LRMDA: variants seen among roughly 807,000 people sequenced by gnomAD.
The protein encoded by LRMDA is leucine rich melanocyte differentiation associated.
Under a neutral mutation model 29.8 loss-of-function variants are expected in LRMDA, and 18 were observed. The ratio of observed to expected loss-of-function variants is 0.60; its 90% CI spans 0.42 to 0.90. LRMDA has a LOEUF of 0.90. LRMDA is among the 40% of genes least tolerant of loss of function. The probability of loss-of-function intolerance (pLI) is 0.00; values close to 1 mark genes in which losing one functional copy is unlikely to be tolerated. For missense variants in LRMDA, 273 were observed against 273.9 expected (o/e 1.00, Z 0.02); for synonymous variants, 125 against 109.4 (o/e 1.14, Z -0.89).
At chr10:76,392,628 C>A (rs1472980985) in intron 6 of LRMDA, among the ~76,000 whole-genome samples, 1 of 151,928 alleles carries the variant, frequency 6.6e-6, no homozygotes, top group Non-Finnish European at 1.5e-5. Flanking sequence ...ATATCAGATT[C>A]TCAGATTGGG....
chr10:75,712,816 A>G (rs955620436), intron 2 of LRMDA, among the ~76,000 whole-genome samples: 9 of 76,538 alleles, frequency 1.2e-4, no homozygotes, highest in African/African-American at 4.1e-4. Context: ...CCAGCCCCCC[A>G]ACTACATTCA....
chr10:76,283,799 C>T lies in LRMDA; in HGVS notation c.517-40602C>T, dbSNP rs1210484610. On this transcript the variant is annotated intron_variant, in intron 5 of 6. Coordinates refer to ENST00000611255, the MANE Select transcript of LRMDA (RefSeq NM_001305581.2). ...TACCCTGGTGTATTTCACCCCACAG[C>T]CTGTGTTCTTTGCCACTGTGTTTCA... Among the ~76,000 whole-genome samples, 3 of 152,102 alleles carry T rather than the reference C, an allele frequency of 2.0e-5. No individual in the cohort carries two copies. The East Asian group carries it at 5.8e-4, about 29-fold the overall frequency.
chr10:76,001,197 G>A (rs915660629), intron 2 of LRMDA, among the ~76,000 whole-genome samples: 1 of 152,140 alleles, frequency 6.6e-6, no homozygotes, highest in Non-Finnish European at 1.5e-5. Context: ...CCCTGTCTGA[G>A]AACGCAGGTC....
intron 6 of LRMDA, among the ~76,000 whole-genome samples, chr10:76,377,593 A>C (rs376676883): frequency 6.6e-6 from 1 of 152,264 alleles, no homozygotes; most frequent in East Asian, 1.9e-4. Context: ...ATTCTTTCGC[A>C]TATGGCTACC....
At chr10:75,946,205 G>A (rs1846473247) in intron 2 of LRMDA, among the ~76,000 whole-genome samples, 1 of 152,234 alleles carries the variant, frequency 6.6e-6, no homozygotes, top group Non-Finnish European at 1.5e-5. Flanking sequence ...CAGGCAGACA[G>A]CTGCCTGGTG....
At chr10:76,509,718 C>A (rs1047675869) in intron 6 of LRMDA, among the ~76,000 whole-genome samples, 3 of 152,192 alleles carry the variant, frequency 2.0e-5, no homozygotes, top group African/African-American at 7.2e-5. Context: ...TGTGTGAAGG[C>A]TGAATTTCAT....
intron 2 of LRMDA, among the ~76,000 whole-genome samples, chr10:75,894,275 G>A (rs188743721): frequency 1.4e-3 from 215 of 151,930 alleles, no homozygotes; most frequent in African/African-American, 4.9e-3. Context: ...GAGAACATAC[G>A]ATGTCTGGTT....
chr10:75,603,179 GTTT>G (rs397972323), intron 2 of LRMDA, among the ~76,000 whole-genome samples: 6 of 143,660 alleles, frequency 4.2e-5, no homozygotes, highest in Middle Eastern at 3.6e-3. Flanking sequence ...TCATCTTAAA[GTTT>G]TTTTTTTTTT....
intron 2 of LRMDA, among the ~76,000 whole-genome samples, chr10:75,614,861 G>T (rs370887909): frequency 1.3e-5 from 2 of 152,106 alleles, no homozygotes; most frequent in African/African-American, 4.8e-5. Context: ...AAGATAGGAG[G>T]CATGTGCCCA....
chr10:76,079,340 G>T (rs921052304), intron 5 of LRMDA, among the ~76,000 whole-genome samples: 1 of 152,206 alleles, frequency 6.6e-6, no homozygotes, highest in Non-Finnish European at 1.5e-5. Flanking sequence ...AGAGAGTTGG[G>T]TGTGCAGTTT....
intron 6 of LRMDA, among the ~76,000 whole-genome samples, chr10:76,356,759 T>A (rs1231674512): frequency 6.6e-6 from 1 of 152,174 alleles, no homozygotes; most frequent in Non-Finnish European, 1.5e-5. Flanking sequence ...TTTTTTATCA[T>A]CTTATGTTTT....
At chr10:76,127,436 G>C (rs1353783497) in intron 5 of LRMDA, among the ~76,000 whole-genome samples, 1 of 152,150 alleles carries the variant, frequency 6.6e-6, no homozygotes, top group Non-Finnish European at 1.5e-5. Context: ...GGGCACTTCT[G>C]TTCCCACCAG....
chr10:75,567,127 CTT>C (rs1491241162), intron 2 of LRMDA, among the ~76,000 whole-genome samples: 32 of 152,222 alleles, frequency 2.1e-4, no homozygotes, highest in African/African-American at 4.3e-4. Flanking sequence ...CTCTCTCTCT[CTT>C]GTCCTCTGCT....
At chr10:75,873,364 CT>C in intron 2 of LRMDA, among the ~76,000 whole-genome samples, 1 of 152,216 alleles carries the variant, frequency 6.6e-6, no homozygotes, top group Middle Eastern at 3.2e-3. Context: ...TTAATCTCCT[CT>C]TTTGTTTCTA....
At chr10:75,831,815 A>G (rs1377033658) in intron 2 of LRMDA, among the ~76,000 whole-genome samples, 4 of 152,196 alleles carry the variant, frequency 2.6e-5, no homozygotes, top group Non-Finnish European at 5.9e-5. Flanking sequence ...GCTCAATACC[A>G]CATGGAAGCT....
intron 5 of LRMDA, among the ~76,000 whole-genome samples, chr10:76,118,920 G>A (rs1849716188): frequency 7.2e-6 from 1 of 139,232 alleles, no homozygotes; most frequent in Non-Finnish European, 1.5e-5. Flanking sequence ...AGGTCTCCCT[G>A]GTGCCCTGGT....
chr10:76,552,478 A>AT (rs1344523941), intron 6 of LRMDA, among the ~76,000 whole-genome samples: 2 of 152,178 alleles, frequency 1.3e-5, no homozygotes, highest in African/African-American at 2.4e-5. Context: ...GTCCAAATCA[A>AT]TTTTTTTATT....
intron 6 of LRMDA, among the ~76,000 whole-genome samples, chr10:76,460,766 C>T (rs1310247151): frequency 6.6e-6 from 1 of 152,188 alleles, no homozygotes; most frequent in Non-Finnish European, 1.5e-5. Flanking sequence ...TCCAAAACCT[C>T]TAAGGAAAGT....
At chr10:76,363,153 GAAAGAAAGAAAGAAA>G (rs1841334756) in intron 6 of LRMDA, among the ~76,000 whole-genome samples, 27 of 39,390 alleles carry the variant, frequency 6.9e-4, no homozygotes, top group Non-Finnish European at 9.5e-4. Context: ...AAGAAAGAAA[GAAAGAAAGAAAGAAA>G]GAAAGAAAGG....
Sources: gnomAD v4.1 joint callset for allele counts (sites outside exome capture counted in the v4.1 genomes callset) on GRCh38, gnomAD v4.1.1 for gene constraint, MANE v1.5 for transcripts, NCBI Gene and HGNC (gene_info 2026-07-23, HGNC 2026-07-21) for gene names.